The following MGA variants were observed in gnomAD, a reference collection of about 807,000 sequenced individuals.
MGA encodes MAX gene-associated protein.
Under a neutral mutation model 261.1 loss-of-function variants are expected in MGA, and 40 were observed. The observed-to-expected ratio is 0.15, with a 90% CI of 0.12 to 0.20. The LOEUF is 0.20. Ranked by LOEUF, MGA falls within the 10% of genes least tolerant of loss-of-function variation. The pLI, the probability that MGA is intolerant of heterozygous loss-of-function variation, is 1.00. For missense variants in MGA, 3,397 were observed against 3,630.5 expected (o/e 0.94, Z 1.65); for synonymous variants, 1,302 against 1,290.6 (o/e 1.01, Z -0.19).
At position 41,762,461 on chromosome 15, in the gene MGA, G is replaced by GTTTTTTTTTTTTT. The variant is rs34069193; in HGVS notation, c.7744+117_7744+129dup. The GTTTTTTTTTTTTT allele has an allele frequency of 6.6e-4, 91 of 138,432 alleles. 13 individuals carry two copies. Among genetic ancestry groups the GTTTTTTTTTTTTT allele is most frequent in the East Asian group, 2.2e-3 (6 of 2,746 alleles). The allele number at this position is 138,432 out of a possible 1,614,324, so 8.6% of individuals were successfully genotyped here. ...TTGTCCACATTTTTAGTTTTGTGTG[G>GTTTTTTTTTTTTT]TTTTTTTTTTTTTTTTTTTTTTTTT... On this transcript the variant is annotated intron_variant, in intron 22 of 23. Coordinates refer to ENST00000219905, the MANE Select transcript of MGA (RefSeq NM_001164273.2).
At chr15:41,763,466 G>A (rs895082444) in intron 22 of MGA, among the ~76,000 whole-genome samples, 21 of 151,762 alleles carry the variant, frequency 1.4e-4, no homozygotes, top group African/African-American at 4.1e-4. Context: ...ACAGTAGGCC[G>A]GATGCGGTGG....
At chr15:41,765,316 T>C (rs555945124) in intron 23 of MGA, among the ~76,000 whole-genome samples, 3 of 152,180 alleles carry the variant, frequency 2.0e-5, no homozygotes, top group South Asian at 4.1e-4. Flanking sequence ...AAAAAAGATA[T>C]CAGAGGGAAA....
At chr15:41,727,440 A>C in intron 10 of MGA, 34 bp downstream of exon 10, 1 of 1,578,316 alleles carries the variant, frequency 6.3e-7, no homozygotes, top group Non-Finnish European at 8.7e-7. Context: ...ATTACAAGTT[A>C]CCAAAGTCAT....
chr15:41,670,041 G>A (rs2150955011), intron 2 of MGA, 83 bp downstream of exon 2: 3 of 1,090,642 alleles, frequency 2.8e-6, no homozygotes, highest in East Asian at 2.5e-5. Context: ...TGGTTCTGTG[G>A]AATGCTACAG....
chr15:41,731,267 TAAAA>T (rs903194481), intron 11 of MGA, among the ~76,000 whole-genome samples: 2 of 152,102 alleles, frequency 1.3e-5, no homozygotes, highest in African/African-American at 4.8e-5. Flanking sequence ...TCATGATAAA[TAAAA>T]ACTTTGTTAC....
chr15:41,765,301 A>G (rs2063742704), intron 23 of MGA, among the ~76,000 whole-genome samples: 1 of 152,226 alleles, frequency 6.6e-6, no homozygotes, highest in African/African-American at 2.4e-5. Flanking sequence ...TCTAAGAGGA[A>G]GAATAAAAAA....
upstream of MGA, among the ~76,000 whole-genome samples, chr15:41,657,868 G>C (rs1038555670): frequency 1.3e-5 from 2 of 152,052 alleles, no homozygotes; most frequent in Admixed American, 1.3e-4. Context: ...AATCAGAACC[G>C]AAAGGATTGG....
At chr15:41,689,562 CT>C (rs796926260) in intron 2 of MGA, among the ~76,000 whole-genome samples, 319 of 139,308 alleles carry the variant, frequency 2.3e-3, no homozygotes, top group African/African-American at 7.3e-3. Flanking sequence ...TTTTCTTTTT[CT>C]TTTTTTTTTT....
chr15:41,734,942 G>T (rs1013795510), intron 12 of MGA, among the ~76,000 whole-genome samples: 4 of 152,010 alleles, frequency 2.6e-5, no homozygotes, highest in Non-Finnish European at 4.4e-5. Context: ...CACCTCTGGG[G>T]AAATCTAGAA....
intron 1 of MGA, among the ~76,000 whole-genome samples, chr15:41,665,562 C>A (rs939390449): frequency 1.3e-5 from 2 of 152,066 alleles, no homozygotes; most frequent in Non-Finnish European, 2.9e-5. Context: ...GAGATGGAGT[C>A]TCACTGTGTT....
intron 11 of MGA, 127 bp downstream of exon 11, chr15:41,729,476 G>A: frequency 1.1e-6 from 1 of 900,496 alleles, no homozygotes; most frequent in Non-Finnish European, 1.7e-6. Flanking sequence ...ATGTATAACA[G>A]TTTATTTCTC....
At chr15:41,727,501 C>G in intron 10 of MGA, 95 bp downstream of exon 10, 1 of 1,196,706 alleles carries the variant, frequency 8.4e-7, no homozygotes, top group Admixed American at 2.2e-5. Flanking sequence ...TTTTGTGAAT[C>G]ATTTTGCTTT....
intron 14 of MGA, 39 bp downstream of exon 14, chr15:41,740,242 A>T: frequency 6.2e-7 from 1 of 1,600,726 alleles, no homozygotes; most frequent in Non-Finnish European, 8.5e-7. Context: ...AAGGCCTATG[A>T]CTTGGTGGTG....
chr15:41,730,780 A>G (rs75937723), intron 11 of MGA, among the ~76,000 whole-genome samples: 2,024 of 152,310 alleles, frequency 0.013, 49 homozygotes, highest in African/African-American at 0.046. Flanking sequence ...CTTTGCTGCA[A>G]CTGATAATAT....
chr15:41,711,539 C>A (rs1780705990), intron 8 of MGA, among the ~76,000 whole-genome samples, 190 bp downstream of exon 8: 1 of 151,906 alleles, frequency 6.6e-6, no homozygotes, highest in Non-Finnish European at 1.5e-5. Context: ...GTGTAGATTT[C>A]TCCTGCCATC....
chr15:41,704,287 C>T (rs1427430179), intron 5 of MGA, among the ~76,000 whole-genome samples: 4 of 152,180 alleles, frequency 2.6e-5, no homozygotes, highest in South Asian at 2.1e-4. Context: ...TCAGCCCATC[C>T]TCCCAAGTAG....
chr15:41,646,225 A>G (rs1179366248), intron 1 of MGA, among the ~76,000 whole-genome samples: 2 of 152,180 alleles, frequency 1.3e-5, no homozygotes, highest in African/African-American at 4.8e-5. Context: ...TGCTTGGCTA[A>G]TAGAGGTGAT....
chr15:41,758,779 A>T (rs1211297896), intron 19 of MGA, among the ~76,000 whole-genome samples: 2 of 152,134 alleles, frequency 1.3e-5, no homozygotes, highest in Non-Finnish European at 2.9e-5. Flanking sequence ...TTTACATTAG[A>T]GTTTTTGGTT....
chr15:41,658,831 T>G (rs191692732), upstream of MGA, among the ~76,000 whole-genome samples: 1 of 152,032 alleles, frequency 6.6e-6, no homozygotes, highest in African/African-American at 2.4e-5. Flanking sequence ...GATCCCCCAG[T>G]TAGAGAGATC....
Sources: allele counts gnomAD v4.1 joint callset (sites outside exome capture counted in the v4.1 genomes callset), GRCh38; gene constraint gnomAD v4.1.1; transcripts MANE v1.5; gene names NCBI Gene and HGNC (gene_info 2026-07-23, HGNC 2026-07-21).